Variants in PRH1 observed in about 807,000 individuals in gnomAD.
PRH1 encodes the protein proline rich protein HaeIII subfamily 1.
In PRH1, 7 loss-of-function variants were observed where a neutral mutation model predicts 7.9. The observed-to-expected ratio is 0.89, with a 90% CI of 0.50 to 1.67. The LOEUF (loss-of-function observed/expected upper bound fraction) is 1.67, where lower values mean the gene tolerates loss of function less well. PRH1 is among the 40% of genes most tolerant of loss of function. The pLI, the probability that PRH1 is intolerant of heterozygous loss-of-function variation, is 0.00. For missense variants in PRH1, 109 were observed against 223.6 expected, an observed-to-expected ratio of 0.49 and a Z score of 3.27; for synonymous variants, 45 against 80.8, an observed-to-expected ratio of 0.56 and a Z score of 2.38.
chr12:10,951,400 A>G (rs1008854781), intron 2 of PRH1, among the ~76,000 whole-genome samples: 5 of 152,184 alleles, frequency 3.3e-5, no homozygotes, highest in Admixed American at 3.3e-4. Flanking sequence ...TTTTCTCAAT[A>G]CCAGATACAT....
chr12:11,121,370 G>GT (rs752466087), intron 1 of PRH1, among the ~76,000 whole-genome samples: 6 of 144,390 alleles, frequency 4.2e-5, no homozygotes, highest in African/African-American at 1.5e-4. Context: ...TTTACATTGA[G>GT]TTTTTTTTAA....
At chr12:11,128,846 C>T (rs1946227612) in intron 1 of PRH1, among the ~76,000 whole-genome samples, 1 of 152,194 alleles carries the variant, frequency 6.6e-6, no homozygotes, top group African/African-American at 2.4e-5. Context: ...TACCTGTTTG[C>T]TATAAGCAGG....
intron 2 of PRH1, among the ~76,000 whole-genome samples, chr12:10,904,223 A>C (rs1388953435): frequency 3.3e-5 from 5 of 152,082 alleles, no homozygotes; most frequent in South Asian, 2.1e-4. Context: ...TAGCAAAAGC[A>C]ACCCTAAGCA....
chr12:11,049,863 C>G (rs61912887), upstream of PRH1, among the ~76,000 whole-genome samples: 620 of 152,206 alleles, frequency 4.1e-3, 5 homozygotes, highest in Middle Eastern at 6.8e-3. Flanking sequence ...TTCTGATAAC[C>G]AATACATTTA....
chr12:10,954,465 TTTTG>T (rs773277453), intron 2 of PRH1, among the ~76,000 whole-genome samples: 3 of 151,048 alleles, frequency 2.0e-5, no homozygotes, highest in East Asian at 1.9e-4. Context: ...TCTAACTTCT[TTTTG>T]TTTGTTTGTT....
At chr12:10,995,905 TAAATA>T (rs1414381956) in intron 1 of PRH1, among the ~76,000 whole-genome samples, 1 of 152,120 alleles carries the variant, frequency 6.6e-6, no homozygotes, top group African/African-American at 2.4e-5. Context: ...CATACTATAT[TAAATA>T]TAATATTCCT....
chr12:11,029,432 TTTTA>T (rs979522226), intron 1 of PRH1, among the ~76,000 whole-genome samples: 1 of 113,762 alleles, frequency 8.8e-6, no homozygotes, highest in Admixed American at 9.6e-5. Flanking sequence ...TTTACATTGA[TTTTA>T]TTTTTCAAAA....
chr12:11,098,622 T>A (rs1032578489), intron 1 of PRH1, among the ~76,000 whole-genome samples: 2 of 152,208 alleles, frequency 1.3e-5, no homozygotes, highest in Non-Finnish European at 2.9e-5. Flanking sequence ...TCTAAAGTCT[T>A]AAAGGGAGCT....
chr12:10,888,883 G>C (rs995604227), upstream of PRH1, among the ~76,000 whole-genome samples: 5 of 152,104 alleles, frequency 3.3e-5, no homozygotes, highest in African/African-American at 9.7e-5. Context: ...TTATTTTTCA[G>C]TTTTGTAGGT....
chr12:11,100,790 A>G (rs557404840), intron 1 of PRH1, among the ~76,000 whole-genome samples: 352 of 152,258 alleles, frequency 2.3e-3, no homozygotes, highest in Non-Finnish European at 3.7e-3. Flanking sequence ...AGATCAGGCT[A>G]AATTATTTTT....
chr12:11,003,320 CAT>C (rs1940680680), intron 1 of PRH1, among the ~76,000 whole-genome samples: 1 of 151,746 alleles, frequency 6.6e-6, no homozygotes, highest in African/African-American at 2.4e-5. Context: ...GGGAACCTAA[CAT>C]ATGTAGGGAA....
At chr12:11,013,248 C>A (rs1172422149) in intron 1 of PRH1, among the ~76,000 whole-genome samples, 1 of 152,068 alleles carries the variant, frequency 6.6e-6, no homozygotes, top group Non-Finnish European at 1.5e-5. Context: ...ACTGGCATTA[C>A]AGTAGACAAA....
chr12:11,038,955 T>C (rs1260233860), intron 1 of PRH1, among the ~76,000 whole-genome samples: 1 of 152,246 alleles, frequency 6.6e-6, no homozygotes, highest in East Asian at 1.9e-4. Flanking sequence ...CAAGTGTACT[T>C]ATACTGGAGA....
At chr12:11,164,662 G>A (rs762893197) in intron 1 of PRH1, among the ~76,000 whole-genome samples, 10 of 152,054 alleles carry the variant, frequency 6.6e-5, no homozygotes, top group Admixed American at 4.6e-4. Context: ...TTTGTATAGT[G>A]TCTAACTCCC....
chr12:11,020,308 T>A (rs560364015), intron 1 of PRH1, among the ~76,000 whole-genome samples: 7 of 151,440 alleles, frequency 4.6e-5, no homozygotes, highest in African/African-American at 1.7e-4. Flanking sequence ...GCGAGACAGA[T>A]ATGACCTCTC....
intron 1 of PRH1, chr12:10,996,995 A>T: frequency 6.2e-7 from 1 of 1,613,828 alleles, no homozygotes; most frequent in Non-Finnish European, 8.5e-7. Context: ...CACCTGCCAC[A>T]AAACTGAAAG....
chr12:10,882,187 C>A (rs758593563), intron 3 of PRH1, 30 bp downstream of exon 3: 2 of 1,611,434 alleles, frequency 1.2e-6, no homozygotes, highest in Non-Finnish European at 8.5e-7. Flanking sequence ...GCAGTTGGAG[C>A]CTTTGATGGA....
At chr12:10,959,778 A>G (rs1938149575) in intron 2 of PRH1, among the ~76,000 whole-genome samples, 1 of 152,176 alleles carries the variant, frequency 6.6e-6, no homozygotes, top group Admixed American at 6.5e-5. Flanking sequence ...ATTCCTCTCT[A>G]TTGAACCATT....
At chr12:11,077,043 T>C (rs145446085) in intron 1 of PRH1, 2,951 of 115,510 alleles carry the variant, frequency 0.026, 865 homozygotes, top group South Asian at 0.038. Flanking sequence ...GAAAATAAAA[T>C]CTTCAAATGA....
Sources: allele counts gnomAD v4.1 joint callset (sites outside exome capture counted in the v4.1 genomes callset), GRCh38; gene constraint gnomAD v4.1.1; transcripts MANE v1.5; gene names NCBI Gene and HGNC (gene_info 2026-07-23, HGNC 2026-07-21).